The following KIAA1671 variants were observed in gnomAD, a reference collection of about 807,000 sequenced individuals.
The protein encoded by KIAA1671 is KIAA1671, also known as uncharacterized protein KIAA1671.
A neutral mutation model predicts 131.2 loss-of-function variants in KIAA1671; 52 were observed. That is an observed-to-expected ratio of 0.40 (90% CI 0.32 to 0.50). The LOEUF (loss-of-function observed/expected upper bound fraction) is 0.50, where lower values mean the gene tolerates loss of function less well. Among genes scored for constraint, KIAA1671 ranks in the 20% least tolerant of loss-of-function variants. The pLI is 0.73. For missense variants in KIAA1671, 2,360 were observed against 2,364.2 expected (o/e 1.00, Z 0.04); for synonymous variants, 1,003 against 961.6 (o/e 1.04, Z -0.80).
intron 6 of KIAA1671, among the ~76,000 whole-genome samples, chr22:25,127,123 C>T (rs1932216986): frequency 6.6e-6 from 1 of 152,138 alleles, no homozygotes; most frequent in Non-Finnish European, 1.5e-5. Flanking sequence ...TTGAGCAAGC[C>T]TCAGTTTCCC....
chr22:25,181,756 A>C lies in KIAA1671; in HGVS notation c.5132A>C (p.Glu1711Ala). ...SDEEETASKA[E>A]RTPVSHPQRM... ...GAGGAGGAGACGGCATCCAAAGCTG[A>C]GAGGACCCCTGTCAGCCATCCTCAG... is the stretch of plus-strand genomic sequence containing the variant. The change falls in exon 10 of 13, where the codon GAG becomes GCG. Residue 1711 changes from glutamate to alanine, a missense_variant. Physicochemically the swap from Glu to Ala is moderately radical, Grantham distance 107. Transcript: ENST00000358431. 2 of 1,551,620 alleles carry C rather than the reference A, an allele frequency of 1.3e-6. No individual in the cohort carries two copies. The highest frequency in any genetic ancestry group is 2.7e-5 in the African/African-American group (2 of 73,144).
At chr22:25,140,897 G>T (rs532963915) in intron 6 of KIAA1671, among the ~76,000 whole-genome samples, 27 of 152,288 alleles carry the variant, frequency 1.8e-4, no homozygotes, top group African/African-American at 6.0e-4. Context: ...ACAGGTCATT[G>T]GTCAAAAATA....
At chr22:25,186,937 CAG>C (rs765766125) in intron 11 of KIAA1671, among the ~76,000 whole-genome samples, 19 of 152,214 alleles carry the variant, frequency 1.2e-4, no homozygotes, top group Non-Finnish European at 2.1e-4. Context: ...ACTAGGGCCT[CAG>C]AGGCACCTCT....
At chr22:25,122,026 T>C (rs1931970221) in intron 6 of KIAA1671, among the ~76,000 whole-genome samples, 1 of 152,178 alleles carries the variant, frequency 6.6e-6, no homozygotes, top group Non-Finnish European at 1.5e-5. Flanking sequence ...TCCCTTGCTA[T>C]GTGGCTTTGG....
chr22:24,958,982 A>C (rs1921869917), intron 1 of KIAA1671, among the ~76,000 whole-genome samples: 1 of 88,594 alleles, frequency 1.1e-5, no homozygotes, highest in East Asian at 1.4e-3. Flanking sequence ...CTTCGTATCA[A>C]AAAAAAAAAA....
rs186701365 is a variant in KIAA1671, at chr22:25,189,192, C to T, written c.5343-1510C>T. ...GTTTTGAGACGGATTCTTGCTCTGT[C>T]GCCCAGGCTGGAGTGCAGCAGAGCC... On this transcript the variant is annotated intron_variant, in intron 11 of 12. Transcript: ENST00000358431. Among the ~76,000 whole-genome samples the T allele has an allele frequency of 5.0e-4, 66 of 131,842 alleles. No individual in the cohort carries two copies. In the East Asian group the frequency reaches 7.9e-3, roughly 16 times the overall value. 86.5% of individuals were successfully genotyped at this position (131,842 alleles called of 152,430 possible).
chr22:24,987,652 G>T (rs1395468303), intron 1 of KIAA1671, among the ~76,000 whole-genome samples: 1 of 152,008 alleles, frequency 6.6e-6, no homozygotes, highest in Non-Finnish European at 1.5e-5. Flanking sequence ...TTTATTTTTT[G>T]TAGAGGTGGG....
chr22:25,015,430 G>A (rs1198421509), intron 1 of KIAA1671, among the ~76,000 whole-genome samples: 1 of 151,968 alleles, frequency 6.6e-6, no homozygotes, highest in East Asian at 1.9e-4. Context: ...TTCAGTGAGT[G>A]GTCAGCCAGT....
intron 6 of KIAA1671, among the ~76,000 whole-genome samples, chr22:25,077,793 A>G (rs1019447418): frequency 2.2e-4 from 34 of 152,202 alleles, no homozygotes; most frequent in African/African-American, 8.0e-4. Flanking sequence ...AATGGAAAAA[A>G]TCTAAATGTG....
chr22:24,998,675 G>A lies in KIAA1671; in HGVS notation c.-207-26958G>A, dbSNP rs141085170. ...GGAGCTTGCAGTGAGCCAAGATCGC[G>A]CCACTGGACTCCAGCCTGGGCGACA... On this transcript the variant is annotated intron_variant, in intron 1 of 12. Coordinates refer to ENST00000358431, the MANE Select transcript of KIAA1671 (RefSeq NM_001145206.2). Among the ~76,000 whole-genome samples, 1,300 of 140,628 alleles carry A rather than the reference G, an allele frequency of 9.2e-3. 21 individuals are homozygous for A. Among genetic ancestry groups the A allele is most frequent in the African/African-American group, 0.033 (1,235 of 37,490 alleles). 92.3% of individuals were successfully genotyped at this position (140,628 alleles called of 152,430 possible). A position where few individuals can be genotyped will look rare whatever the true frequency, so the allele number is the denominator to read the frequency against.
chr22:25,049,762 A>ATCTC (rs71322708), intron 6 of KIAA1671: 23,585 of 162,398 alleles, frequency 0.15, 1,732 homozygotes, highest in Non-Finnish European at 0.16. Flanking sequence ...CTTGATTCCT[A>ATCTC]TCTAGCTGTG....
intron 6 of KIAA1671, among the ~76,000 whole-genome samples, chr22:25,093,804 C>CTCTGTCTCTCTCTCTT (rs1930225972): frequency 7.3e-6 from 1 of 137,790 alleles, no homozygotes; most frequent in African/African-American, 2.7e-5. Flanking sequence ...CTCTCTCTCT[C>CTCTGTCTCTCTCTCTT]TCTCTCTGTC....
intron 6 of KIAA1671, among the ~76,000 whole-genome samples, chr22:25,134,978 G>C (rs1055589998): frequency 1.3e-5 from 2 of 152,152 alleles, no homozygotes; most frequent in South Asian, 4.2e-4. Flanking sequence ...ATCATCATAC[G>C]TACATTCCAT....
chr22:25,124,225 A>G (rs1317852962), intron 6 of KIAA1671, among the ~76,000 whole-genome samples: 1 of 152,220 alleles, frequency 6.6e-6, no homozygotes, highest in Non-Finnish European at 1.5e-5. Context: ...ATTCATTGTA[A>G]GAGCTGGGCC....
chr22:25,049,070 G>C, intron 5 of KIAA1671, 160 bp from the exon 6 acceptor site: 1 of 861,562 alleles, frequency 1.2e-6, no homozygotes, highest in Non-Finnish European at 1.7e-6. Flanking sequence ...CAGAGCTACC[G>C]CCCTACATGT....
rs59590267 is a variant in KIAA1671, at chr22:25,188,447, GGTGTGTGTGT to G, written c.5343-2218_5343-2209del. ...TTCTCCAGAGAAACAGAGCCAATCG[GGTGTGTGTGT>G]GTGTGTGTGTGTGTGTGTGTGTGTG... On this transcript the variant is annotated intron_variant, in intron 11 of 12. Coordinates refer to ENST00000358431, the MANE Select transcript of KIAA1671 (RefSeq NM_001145206.2). Among the ~76,000 whole-genome samples the G allele has an allele frequency of 5.2e-3, 717 of 137,960 alleles. 9 individuals are homozygous for G. The highest frequency in any genetic ancestry group is 0.017 in the African/African-American group (645 of 37,498). The allele number at this position is 137,960 out of a possible 152,430, so 90.5% of individuals were successfully genotyped here. A position where few individuals can be genotyped will look rare whatever the true frequency, so the allele number is the denominator to read the frequency against.
chr22:25,159,773 C>T (rs2145991944), intron 6 of KIAA1671, among the ~76,000 whole-genome samples: 1 of 152,256 alleles, frequency 6.6e-6, no homozygotes, highest in African/African-American at 2.4e-5. Context: ...TCATAGAGCC[C>T]TAGCTCAGAA....
intron 1 of KIAA1671, among the ~76,000 whole-genome samples, chr22:24,995,269 G>C (rs1335177558): frequency 6.6e-6 from 1 of 151,768 alleles, no homozygotes; most frequent in East Asian, 1.9e-4. Context: ...AGCCAGGATG[G>C]TCTCGATCTC....
At chr22:24,969,615 T>G (rs1170240124) in intron 1 of KIAA1671, among the ~76,000 whole-genome samples, 4 of 152,218 alleles carry the variant, frequency 2.6e-5, no homozygotes, top group Admixed American at 2.6e-4. Flanking sequence ...AATCCCACAT[T>G]CTAAAGATAA....
Sources: gnomAD v4.1 joint callset for allele counts (sites outside exome capture counted in the v4.1 genomes callset) on GRCh38, gnomAD v4.1.1 for gene constraint, MANE v1.5 for transcripts, NCBI Gene and HGNC (gene_info 2026-07-23, HGNC 2026-07-21) for gene names.